CTNNA1: variants seen among roughly 807,000 people sequenced by gnomAD.
CTNNA1 encodes catenin alpha 1.
In CTNNA1, 37 loss-of-function variants were observed where a neutral mutation model predicts 98.4. The observed-to-expected ratio is 0.38, with a 90% confidence interval of 0.29 to 0.49. The LOEUF (loss-of-function observed/expected upper bound fraction) is 0.49, where lower values mean the gene tolerates loss of function less well. CTNNA1 is among the 20% of genes least tolerant of loss of function. The pLI, the probability that CTNNA1 is intolerant of heterozygous loss-of-function variation, is 0.95. For missense variants in CTNNA1, 761 were observed against 1,147.2 expected (o/e 0.66, Z 4.86); for synonymous variants, 404 against 413.2 (o/e 0.98, Z 0.27).
intron 7 of CTNNA1, among the ~76,000 whole-genome samples, chr5:138,881,909 A>G (rs533051069): frequency 1.3e-5 from 2 of 152,224 alleles, no homozygotes; most frequent in East Asian, 1.9e-4. Flanking sequence ...ACCCTCCTCT[A>G]CCCACCTCAG....
chr5:138,863,055 AG>A (rs1764430047), intron 7 of CTNNA1, among the ~76,000 whole-genome samples: 1 of 152,060 alleles, frequency 6.6e-6, no homozygotes, highest in Non-Finnish European at 1.5e-5. Flanking sequence ...AGGTACATAA[AG>A]GTTGAAGGAC....
chr5:138,931,514 A>C, intron 16 of CTNNA1: 1 of 817,796 alleles, frequency 1.2e-6, no homozygotes, highest in Non-Finnish European at 1.5e-6. Flanking sequence ...AGGATGTGTG[A>C]GACACAAGCC....
intron 7 of CTNNA1, among the ~76,000 whole-genome samples, chr5:138,855,712 C>G (rs1225461627): frequency 6.6e-6 from 1 of 152,104 alleles, no homozygotes; most frequent in African/African-American, 2.4e-5. Flanking sequence ...ATAAAAAGAG[C>G]TGGAAAAGCA....
intron 1 of CTNNA1, among the ~76,000 whole-genome samples, chr5:138,755,587 G>C (rs1751545033): frequency 6.6e-6 from 1 of 152,136 alleles, no homozygotes; most frequent in Non-Finnish European, 1.5e-5. Flanking sequence ...TTAGAGATGA[G>C]AGGTACCCTC....
chr5:138,798,644 TTTTG>T (rs1053021562), intron 3 of CTNNA1, among the ~76,000 whole-genome samples: 31 of 152,220 alleles, frequency 2.0e-4, no homozygotes, highest in Admixed American at 6.5e-4. Context: ...TTGTGGGTTT[TTTTG>T]TTTGTTTGTT....
intron 13 of CTNNA1, among the ~76,000 whole-genome samples, chr5:138,926,173 G>A (rs1231070758): frequency 2.0e-5 from 3 of 152,132 alleles, no homozygotes; most frequent in African/African-American, 7.2e-5. Flanking sequence ...TTGCGCCCTC[G>A]AGTCCTGCAA....
intron 7 of CTNNA1, among the ~76,000 whole-genome samples, chr5:138,862,480 T>C (rs1764379693): frequency 6.6e-6 from 1 of 152,232 alleles, no homozygotes; most frequent in African/African-American, 2.4e-5. Flanking sequence ...AGTATCCTTT[T>C]ATGATAATGG....
chr5:138,815,046 T>A (rs760199476), intron 5 of CTNNA1, among the ~76,000 whole-genome samples: 1 of 152,132 alleles, frequency 6.6e-6, no homozygotes, highest in Non-Finnish European at 1.5e-5. Context: ...GCCACCACAC[T>A]CTGTCTGGAA....
At chr5:138,781,589 A>T (rs1362702262) in intron 1 of CTNNA1, among the ~76,000 whole-genome samples, 1 of 151,604 alleles carries the variant, frequency 6.6e-6, no homozygotes, top group Non-Finnish European at 1.5e-5. Flanking sequence ...GCTTTCATTC[A>T]CTTTAGCTTT....
At chr5:138,804,932 T>C (rs1261209100) in intron 3 of CTNNA1, among the ~76,000 whole-genome samples, 1 of 152,202 alleles carries the variant, frequency 6.6e-6, no homozygotes, top group African/African-American at 2.4e-5. Flanking sequence ...AGAGGTTTAA[T>C]TGGCTCAAGG....
intron 7 of CTNNA1, chr5:138,871,069 A>G (rs1293879337): frequency 6.6e-6 from 1 of 152,200 alleles, no homozygotes; most frequent in East Asian, 1.9e-4. Context: ...GGTGAAGGGT[A>G]CTAAGGTACC....
intron 7 of CTNNA1, among the ~76,000 whole-genome samples, chr5:138,883,272 T>C (rs1020349601): frequency 6.6e-6 from 1 of 152,200 alleles, no homozygotes; most frequent in Non-Finnish European, 1.5e-5. Flanking sequence ...AAATGATTGG[T>C]ACCCTAAACT....
At chr5:138,755,769 TC>T (rs1411384042) in intron 1 of CTNNA1, among the ~76,000 whole-genome samples, 1 of 151,142 alleles carries the variant, frequency 6.6e-6, no homozygotes, top group Non-Finnish European at 1.5e-5. Context: ...AAAGTGGGAC[TC>T]CTGTCTCTTC....
At chr5:138,764,935 GC>G (rs1226985209) in intron 1 of CTNNA1, among the ~76,000 whole-genome samples, 4 of 137,288 alleles carry the variant, frequency 2.9e-5, no homozygotes, top group African/African-American at 1.1e-4. Context: ...GTGCAGTGAT[GC>G]GATCTCTCTT....
chr5:138,932,583 C>G lies in CTNNA1; in HGVS notation c.2304C>G (p.Pro768=), dbSNP rs147022694. Residue 768 remains proline (P), a synonymous_variant, in exon 17 of 18, where the codon CCC becomes CCG. Transcript: ENST00000302763. ...KLGRTIADHC[P]DSACKQDLLA... is the part of the protein sequence containing the mutation. ...TAAGCCTGCTCTCTCTTCAGTGCCC[C>G]GACTCGGCTTGCAAGCAGGACCTGC... The G allele has an allele frequency of 1.9e-5, 30 of 1,614,082 alleles. No individual in the cohort carries two copies. The highest frequency in any genetic ancestry group is 1.8e-4 in the South Asian group (16 of 91,066).
chr5:138,831,301 A>C lies in CTNNA1; in HGVS notation c.1062+3583A>C, dbSNP rs565338495. Among the ~76,000 whole-genome samples the C allele has an allele frequency of 1.2e-4, 18 of 152,358 alleles. No homozygotes were observed. The East Asian group carries it at 3.3e-3, about 28-fold the overall frequency. ...AACTTTGATGTTTCAGGTGTACCCC[A>C]GACCAATTAAGTCAGAATCTCTGCG... On this transcript the variant is annotated intron_variant, in intron 7 of 17. Coordinates refer to ENST00000302763, the MANE Select transcript of CTNNA1 (RefSeq NM_001903.5).
At chr5:138,780,488 T>G (rs1243640264) in intron 1 of CTNNA1, among the ~76,000 whole-genome samples, 1 of 146,518 alleles carries the variant, frequency 6.8e-6, no homozygotes, top group Non-Finnish European at 1.5e-5. Flanking sequence ...CCACTGCGCC[T>G]GGCCAAGATT....
At chr5:138,931,105 G>C in intron 16 of CTNNA1, 170 bp downstream of exon 16, 1 of 603,238 alleles carries the variant, frequency 1.7e-6, no homozygotes, top group Non-Finnish European at 3.0e-6. Context: ...TAGAGCGGAT[G>C]TGTATGTCCT....
intron 1 of CTNNA1, among the ~76,000 whole-genome samples, chr5:138,772,652 A>G (rs762567862): frequency 2.0e-5 from 3 of 152,252 alleles, no homozygotes; most frequent in Non-Finnish European, 2.9e-5. Flanking sequence ...AAACATAGGC[A>G]TGGTTATCAT....
Sources: gnomAD v4.1 joint callset for allele counts (sites outside exome capture counted in the v4.1 genomes callset) on GRCh38, gnomAD v4.1.1 for gene constraint, MANE v1.5 for transcripts, NCBI Gene and HGNC (gene_info 2026-07-23, HGNC 2026-07-21) for gene names.